Variants in GALNT18 observed in about 807,000 individuals in gnomAD.
The protein encoded by GALNT18 is GalNAc-transferase 18.
Under a neutral mutation model 69.5 loss-of-function variants are expected in GALNT18, and 44 were observed. The ratio of observed to expected loss-of-function variants is 0.63; its 90% confidence interval spans 0.50 to 0.81. The LOEUF (loss-of-function observed/expected upper bound fraction) is 0.81. GALNT18 is among the 40% of genes least tolerant of loss of function. GALNT18 has a pLI of 0.00. For synonymous variants in GALNT18, 364 were observed against 318.2 expected, an observed-to-expected ratio of 1.14 and a Z score of -1.53; for missense variants, 715 against 810.0, an observed-to-expected ratio of 0.88 and a Z score of 1.42.
Position 11,494,779 on chromosome 11 carries a change from A to G in GALNT18, c.236-45843T>C, listed in dbSNP as rs547915270. 1.3e-4 allele frequency among the ~76,000 whole-genome samples: 20 copies of G among 152,316 alleles called. No homozygotes were observed. Among genetic ancestry groups the G allele is most frequent in the African/African-American group, 3.8e-4 (16 of 41,582 alleles). On this transcript the variant is annotated intron_variant, in intron 1 of 10. Transcript: ENST00000227756. This position sits in a 1 kb window ranked among gnomAD's most constrained non-coding sequence, Gnocchi z 5.7. ...CAAATCAGAGAGATGAATCCGGCCCATCGTGCTATTATTCAAAGCTGGTGT... is the reference window on the plus strand; with the variant it reads ...CAAATCAGAGAGATGAATCCGGCCCGTCGTGCTATTATTCAAAGCTGGTGT...
chr11:11,466,985 G>A (rs1856167940), intron 1 of GALNT18, among the ~76,000 whole-genome samples: 1 of 152,226 alleles, frequency 6.6e-6, no homozygotes, highest in Admixed American at 6.5e-5. Flanking sequence ...CTGGGAGTCA[G>A]AAGCCCTGAT....
rs1031971250 is a variant in GALNT18 at position 11,591,230 on chromosome 11, T to C, written c.235+30129A>G. Among the ~76,000 whole-genome samples the C allele has an allele frequency of 1.3e-5, 2 of 152,060 alleles. No homozygotes were observed. Among genetic ancestry groups the C allele is most frequent in the Non-Finnish European group, 2.9e-5 (2 of 68,020 alleles). On this transcript the variant is annotated intron_variant, in intron 1 of 10. Coordinates refer to ENST00000227756, the MANE Select transcript of GALNT18 (RefSeq NM_198516.3). The surrounding 1 kb of genome is among the most constrained non-coding windows in gnomAD (Gnocchi z 4.8). Reference sequence around the variant, plus strand: ...AGGCCTTTTTAAGGCTTTGTAAGGCTTAAAAGCTAAGACACACATACACAC... The same window carrying C: ...AGGCCTTTTTAAGGCTTTGTAAGGCCTAAAAGCTAAGACACACATACACAC...
intron 1 of GALNT18, among the ~76,000 whole-genome samples, chr11:11,607,773 C>T (rs186690788): frequency 3.0e-4 from 46 of 152,244 alleles, no homozygotes; most frequent in African/African-American, 1.1e-3. Context: ...AAAAATCTGT[C>T]CTCAAGAAGA....
At chr11:11,351,435 C>T (rs1850400820) in intron 6 of GALNT18, among the ~76,000 whole-genome samples, 1 of 152,208 alleles carries the variant, frequency 6.6e-6, no homozygotes, top group Non-Finnish European at 1.5e-5. Flanking sequence ...CTGGTGAGGC[C>T]AGGGCTGCAG....
At position 11,331,800 on chromosome 11, in the gene GALNT18, C is replaced by A. The variant is rs78756526; in HGVS notation, c.1416+894G>T. 4.5e-4 allele frequency among the ~76,000 whole-genome samples: 68 copies of A among 151,954 alleles called. 1 individual carries two copies. The highest frequency in any genetic ancestry group is 4.2e-3 in the Admixed American group (64 of 15,250). On this transcript the variant is annotated intron_variant, in intron 8 of 10. Coordinates refer to ENST00000227756, the MANE Select transcript of GALNT18 (RefSeq NM_198516.3). ...GAGTAGTCTTGGGGGTTTGTCATGG[C>A]AAAAGTTTATGTGTTTAGACTGTAA...
chr11:11,551,125 A>G (rs879164706), intron 1 of GALNT18, among the ~76,000 whole-genome samples: 1 of 151,934 alleles, frequency 6.6e-6, no homozygotes, highest in Admixed American at 6.6e-5. Context: ...ATAACCAAAA[A>G]CATTTTTCAG....
rs1476894350 is a variant in GALNT18, at chr11:11,430,791, C to T, written c.595+1830G>A. On this transcript the variant is annotated intron_variant, in intron 3 of 10. Coordinates refer to ENST00000227756, the MANE Select transcript of GALNT18 (RefSeq NM_198516.3). This position sits in a 1 kb window ranked among gnomAD's most constrained non-coding sequence, Gnocchi z 4.9. ...ATAACTTCTCCCTGACTCCAGGCCT[C>T]TTGACTTCTCTCTCTACTGCTGCAA... is the stretch of plus-strand genomic sequence containing the variant. Among the ~76,000 whole-genome samples the T allele has an allele frequency of 6.6e-6, 1 of 152,222 alleles. No individual in the cohort carries two copies. The highest frequency in any genetic ancestry group is 1.5e-5 in the Non-Finnish European group (1 of 68,044).
chr11:11,453,244 C>T (rs553767210), intron 1 of GALNT18, among the ~76,000 whole-genome samples: 159 of 152,266 alleles, frequency 1.0e-3, no homozygotes, highest in African/African-American at 3.7e-3. Flanking sequence ...GAAACATTAC[C>T]ATGCCACGTC....
intron 1 of GALNT18, among the ~76,000 whole-genome samples, chr11:11,536,280 C>T (rs1459621239): frequency 1.3e-5 from 2 of 152,224 alleles, no homozygotes; most frequent in East Asian, 3.8e-4. Flanking sequence ...GACATAGGTA[C>T]TAACATTATC....
At chr11:11,503,699 G>A (rs1274048052) in intron 1 of GALNT18, among the ~76,000 whole-genome samples, 2 of 152,220 alleles carry the variant, frequency 1.3e-5, no homozygotes, top group Non-Finnish European at 2.9e-5. Context: ...TATTCCCTGC[G>A]GATTATGAGA....
chr11:11,466,283 C>G (rs750858312), intron 1 of GALNT18, among the ~76,000 whole-genome samples: 15 of 152,130 alleles, frequency 9.9e-5, no homozygotes, highest in African/African-American at 3.6e-4. Flanking sequence ...ACCAGTGCCA[C>G]CTTTACGTGA....
intron 10 of GALNT18, among the ~76,000 whole-genome samples, chr11:11,290,792 G>T (rs17433894): frequency 6.6e-6 from 1 of 152,090 alleles, no homozygotes; most frequent in Admixed American, 6.5e-5. Context: ...TGAACCCAGA[G>T]GCCCAGCAGG....
chr11:11,307,902 G>A (rs1488535404), intron 9 of GALNT18, among the ~76,000 whole-genome samples: 1 of 152,216 alleles, frequency 6.6e-6, no homozygotes, highest in African/African-American at 2.4e-5. Flanking sequence ...ACGAAGTTCA[G>A]TTGCCACGAG....
rs983349471 is a variant in GALNT18 at position 11,528,905 on chromosome 11, G to A, written c.236-79969C>T. On this transcript the variant is annotated intron_variant, in intron 1 of 10. Coordinates refer to ENST00000227756, the MANE Select transcript of GALNT18 (RefSeq NM_198516.3). ...TTTGCTGTTAAACCCAGGGAGTGGA[G>A]GAGTGAAAGATAAGAAGTGTCATTT... Among the ~76,000 whole-genome samples, 3 of 152,244 alleles carry A rather than the reference G, an allele frequency of 2.0e-5. No homozygotes were observed. The East Asian group carries it at 5.8e-4, about 29-fold the overall frequency.
At chr11:11,283,228 C>T (rs1201911355) in intron 10 of GALNT18, among the ~76,000 whole-genome samples, 1 of 152,120 alleles carries the variant, frequency 6.6e-6, no homozygotes, top group Admixed American at 6.5e-5. Flanking sequence ...GATCTCGGCT[C>T]AATGCAATCC....
intron 5 of GALNT18, among the ~76,000 whole-genome samples, chr11:11,373,500 A>C (rs1850962476): frequency 1.3e-5 from 2 of 152,206 alleles, no homozygotes; most frequent in African/African-American, 4.8e-5. Context: ...TTTCAAAAGA[A>C]AGAAGCATTG....
intron 6 of GALNT18, among the ~76,000 whole-genome samples, chr11:11,348,255 G>C (rs904743692): frequency 3.3e-5 from 5 of 151,994 alleles, no homozygotes; most frequent in Admixed American, 2.6e-4. Context: ...GCGGGTGCCT[G>C]TAATCCCAGC....
At chr11:11,574,308 C>A (rs1212312420) in intron 1 of GALNT18, among the ~76,000 whole-genome samples, 3 of 152,124 alleles carry the variant, frequency 2.0e-5, no homozygotes, top group African/African-American at 7.2e-5. Context: ...GAATCCCAGC[C>A]CTGCTCAGAC....
At position 11,382,609 on chromosome 11, in the gene GALNT18, G is replaced by A. The variant is rs984308810; in HGVS notation, c.596-3345C>T. On this transcript the variant is annotated intron_variant, in intron 3 of 10. Coordinates refer to ENST00000227756, the MANE Select transcript of GALNT18 (RefSeq NM_198516.3). The surrounding 1 kb of genome is among the most constrained non-coding windows in gnomAD (Gnocchi z 4.3). Reference sequence around the variant, plus strand: ...CCATCATATTTGCCTTCTTGCTAAGGCTGCCAGGAAGCTCAAAGACAAATA... The same window carrying A: ...CCATCATATTTGCCTTCTTGCTAAGACTGCCAGGAAGCTCAAAGACAAATA... 6.6e-6 allele frequency among the ~76,000 whole-genome samples: 1 copy of A among 152,112 alleles called. No individual in the cohort carries two copies. Among genetic ancestry groups the A allele is most frequent in the Non-Finnish European group, 1.5e-5 (1 of 68,038 alleles).
Sources: allele counts gnomAD v4.1 joint callset (sites outside exome capture counted in the v4.1 genomes callset), GRCh38; gene constraint gnomAD v4.1.1; non-coding constraint Gnocchi (gnomAD v3.1); transcripts MANE v1.5; gene names NCBI Gene and HGNC (gene_info 2026-07-23, HGNC 2026-07-21).